LCN9: variants seen among roughly 807,000 people sequenced by gnomAD.
LCN9 encodes epididymal-specific lipocalin-9.
Under a neutral mutation model 18.5 loss-of-function variants are expected in LCN9, and 22 were observed. The observed-to-expected ratio is 1.19, with a 90% CI of 0.85 to 1.70. The LOEUF (loss-of-function observed/expected upper bound fraction) is 1.70. Among genes scored for constraint, LCN9 ranks in the 40% most tolerant of loss-of-function variants. The pLI, the probability that LCN9 is intolerant of heterozygous loss-of-function variation, is 0.00. For missense variants in LCN9, 202 were observed against 201.3 expected (o/e 1.00, Z -0.02); for synonymous variants, 89 against 83.0 (o/e 1.07, Z -0.39).
Position 135,664,917 on chromosome 9 carries a change from C to G in LCN9, c.307+122C>G. 2 of 1,094,872 alleles carry G rather than the reference C, an allele frequency of 1.8e-6. No individual in the cohort carries two copies. The highest frequency in any genetic ancestry group is 1.6e-5 in the African/African-American group (1 of 62,858). 67.8% of individuals were successfully genotyped at this position (1,094,872 alleles called of 1,614,324 possible). On this transcript the variant is annotated intron_variant, in intron 3 of 5. Transcript: ENST00000619315. The surrounding 1 kb of genome is among the most constrained non-coding windows in gnomAD (Gnocchi z 4.5). The stretch of plus-strand genomic sequence containing the variant: ...TAGTTAAGCCCCTGACAGCTTGACC[C>G]TGAACTGGAGGGACCCATCCTGGCA...
In LCN9 at chr9:135,665,989, A is replaced by G. The variant is rs1290817025; in HGVS notation, c.*138A>G. On this transcript the variant is annotated 3_prime_UTR_variant, in exon 6 of 6. Coordinates refer to ENST00000619315, the Ensembl canonical transcript of LCN9. The surrounding 1 kb of genome is among the most constrained non-coding windows in gnomAD (Gnocchi z 5.9). ...GTCAGAGGCTGCGGGGTCCCACCCC[A>G]GGAGGTGCCCATCCCTCCCCCTGGT... 1 of 1,598,326 alleles carries G rather than the reference A, an allele frequency of 6.3e-7. No individual in the cohort carries two copies. Among genetic ancestry groups the G allele is most frequent in the East Asian group, 2.2e-5 (1 of 44,786 alleles).
chr9:135,664,880 C>A lies in LCN9; in HGVS notation c.307+85C>A. 2.2e-6 allele frequency: 3 copies of A among 1,384,942 alleles called. No homozygotes were observed. The highest frequency in any genetic ancestry group is 3.0e-6 in the Non-Finnish European group (3 of 1,009,526). The allele number at this position is 1,384,942 out of a possible 1,614,324, so 85.8% of individuals were successfully genotyped here. A position where few individuals can be genotyped will look rare whatever the true frequency, so the allele number is the denominator to read the frequency against. On this transcript the variant is annotated intron_variant, in intron 3 of 5. Transcript: ENST00000619315. The surrounding 1 kb of genome is among the most constrained non-coding windows in gnomAD (Gnocchi z 4.5). Reference sequence around the variant, plus strand: ...TGGGCCATATTCTGGTGAGCACTGACTCTGGGGATTTTAGTTAAGCCCCTG... The same window carrying A: ...TGGGCCATATTCTGGTGAGCACTGAATCTGGGGATTTTAGTTAAGCCCCTG...
In LCN9 at chr9:135,665,209, CG is replaced by C; in HGVS notation, c.308-32del. ...ACGTGTCACAGGACCCTGAGGGTGG[CG>C]GGGCCAGGCCACGCTGAGCCATGTC... On this transcript the variant is annotated intron_variant, in intron 3 of 5. Coordinates refer to ENST00000619315, the Ensembl canonical transcript of LCN9. The surrounding 1 kb of genome is among the most constrained non-coding windows in gnomAD (Gnocchi z 5.9). 2.1e-6 allele frequency: 3 copies of C among 1,411,368 alleles called. No individual in the cohort carries two copies. The highest frequency in any genetic ancestry group is 2.9e-6 in the Non-Finnish European group (3 of 1,017,832). 87.4% of individuals were successfully genotyped at this position (1,411,368 alleles called of 1,614,324 possible). A position where few individuals can be genotyped will look rare whatever the true frequency, so the allele number is the denominator to read the frequency against.
Position 135,664,824 on chromosome 9 carries a change from TCA to T in LCN9, c.307+32_307+33del, listed in dbSNP as rs1272735005. ...AGTGGAAGCCAGGCTCCTCCTGGTC[TCA>T]CAGTCGGGGGTCTCCTTTCTCCAGG... On this transcript the variant is annotated intron_variant, in intron 3 of 5. Coordinates refer to ENST00000619315, the Ensembl canonical transcript of LCN9. The surrounding 1 kb of genome is among the most constrained non-coding windows in gnomAD (Gnocchi z 4.5). The T allele has an allele frequency of 3.9e-6, 6 of 1,557,108 alleles. No individual in the cohort carries two copies. The highest frequency in any genetic ancestry group is 4.3e-6 in the Non-Finnish European group (5 of 1,149,920).
exon 6 of LCN9, chr9:135,666,300 C>A: frequency 1.5e-6 from 1 of 651,728 alleles, no homozygotes; most frequent in Non-Finnish European, 2.6e-6. Context: ...CTGCTGGGGG[C>A]TCCAGGCATC....
Position 135,665,659 on chromosome 9 carries a change from C to T in LCN9, c.419-29C>T, listed in dbSNP as rs372315207. On this transcript the variant is annotated intron_variant, in intron 4 of 5. Coordinates refer to ENST00000619315, the Ensembl canonical transcript of LCN9. The surrounding 1 kb of genome is among the most constrained non-coding windows in gnomAD (Gnocchi z 5.9). ...ACCAACTCTGTTCCCAGCACGGGTC[C>T]CATAGCTGGAACCCTCCTTCCTGAG... 84 of 1,603,234 alleles carry T rather than the reference C, an allele frequency of 5.2e-5. 1 individual carries two copies. The African/African-American group carries it at 1.0e-3, about 19-fold the overall frequency.
At position 135,665,449 on chromosome 9, in the gene LCN9, T is replaced by A; in HGVS notation, c.418+94T>A. Reference sequence around the variant, plus strand: ...GCGGAGGAGGGTCTCGCAGTGGCCCTGGGGTTTGGAGAGGTGGTTCCCGTT... The same window carrying A: ...GCGGAGGAGGGTCTCGCAGTGGCCCAGGGGTTTGGAGAGGTGGTTCCCGTT... On this transcript the variant is annotated intron_variant, in intron 4 of 5. Transcript: ENST00000619315. The surrounding 1 kb of genome is among the most constrained non-coding windows in gnomAD (Gnocchi z 5.9). 9.2e-7 allele frequency: 1 copy of A among 1,092,136 alleles called. No homozygotes were observed. Among genetic ancestry groups the A allele is most frequent in the South Asian group, 1.3e-5 (1 of 74,296 alleles). The allele number at this position is 1,092,136 out of a possible 1,614,324, so 67.7% of individuals were successfully genotyped here.
At chr9:135,666,754 G>A (rs897511788) in exon 6 of LCN9, among the ~76,000 whole-genome samples, 6 of 151,958 alleles carry the variant, frequency 3.9e-5, no homozygotes, top group Non-Finnish European at 5.9e-5. Flanking sequence ...ATGGCAACCG[G>A]CAACCAAGGC....
intron 1 of LCN9, 35 bp downstream of exon 1, chr9:135,663,452 A>G (rs777354867): frequency 1.3e-6 from 2 of 1,575,818 alleles, no homozygotes; most frequent in Non-Finnish European, 1.7e-6. Context: ...GGAAGGGGCC[A>G]GGCTTCAAGG....
At chr9:135,663,528 A>C (rs1588214872) in intron 1 of LCN9, 111 bp downstream of exon 1, 21 of 607,796 alleles carry the variant, frequency 3.5e-5, no homozygotes, top group East Asian at 1.5e-4. Context: ...AGGGGAGCCC[A>C]CCTCTCCTCC....
chr9:135,665,391 C>T lies in LCN9; in HGVS notation c.418+36C>T. On this transcript the variant is annotated intron_variant, in intron 4 of 5. Coordinates refer to ENST00000619315, the Ensembl canonical transcript of LCN9. The surrounding 1 kb of genome is among the most constrained non-coding windows in gnomAD (Gnocchi z 5.9). ...TGTCCCCCTCTGACCCCCTCGGGGACCCCACCTCCTCTGAAGTCCGGCCCA... is the reference window on the plus strand; with the variant it reads ...TGTCCCCCTCTGACCCCCTCGGGGATCCCACCTCCTCTGAAGTCCGGCCCA... The T allele has an allele frequency of 6.6e-7, 1 of 1,508,356 alleles. No individual in the cohort carries two copies. Among genetic ancestry groups the T allele is most frequent in the Non-Finnish European group, 9.0e-7 (1 of 1,105,706 alleles). The allele number at this position is 1,508,356 out of a possible 1,614,324, so 93.4% of individuals were successfully genotyped here.
rs1191259222 is a variant in LCN9, at chr9:135,665,876, A to G, written c.*25A>G. ...GTCCTTCCAGATCCCTGCTACTCCAAGCATTACAGGAGCCCGCCCAGGCCT... is the reference window on the plus strand; with the variant it reads ...GTCCTTCCAGATCCCTGCTACTCCAGGCATTACAGGAGCCCGCCCAGGCCT... On this transcript the variant is annotated 3_prime_UTR_variant, in exon 6 of 6. Coordinates refer to ENST00000619315, the Ensembl canonical transcript of LCN9. The surrounding 1 kb of genome is among the most constrained non-coding windows in gnomAD (Gnocchi z 5.9). 1 of 1,612,838 alleles carries G rather than the reference A, an allele frequency of 6.2e-7. No individual in the cohort carries two copies. Among genetic ancestry groups the G allele is most frequent in the Non-Finnish European group, 8.5e-7 (1 of 1,179,514 alleles).
At chr9:135,663,811 AGGGGCAGAGGAGAGACCTGT>A (rs1288889479) in intron 1 of LCN9, among the ~76,000 whole-genome samples, 4 of 23,352 alleles carry the variant, frequency 1.7e-4, no homozygotes, top group Admixed American at 5.3e-4. Flanking sequence ...GGGGACCTGG[AGGGGCAGAGGAGAGACCTGT>A]GGGGCAGAGG....
rs1004413833 is a variant in LCN9, at chr9:135,664,947, C to A, written c.307+152C>A. Among the ~76,000 whole-genome samples the A allele has an allele frequency of 6.6e-6, 1 of 152,072 alleles. No individual in the cohort carries two copies. The highest frequency in any genetic ancestry group is 2.4e-5 in the African/African-American group (1 of 41,378). ...CTGGAGGGACCCATCCTGGCACCTACCCAGGGGGGCTCCTGGCCCAGGGGA... is the reference window on the plus strand; with the variant it reads ...CTGGAGGGACCCATCCTGGCACCTAACCAGGGGGGCTCCTGGCCCAGGGGA... On this transcript the variant is annotated intron_variant, in intron 3 of 5. Coordinates refer to ENST00000619315, the Ensembl canonical transcript of LCN9. This position sits in a 1 kb window ranked among gnomAD's most constrained non-coding sequence, Gnocchi z 4.5.
Position 135,664,458 on chromosome 9 carries a change from G to A in LCN9, c.233+160G>A, listed in dbSNP as rs1428164269. On this transcript the variant is annotated intron_variant, in intron 2 of 5. Coordinates refer to ENST00000619315, the Ensembl canonical transcript of LCN9. The surrounding 1 kb of genome is among the most constrained non-coding windows in gnomAD (Gnocchi z 4.5). ...TGACCCTTGGGGGCAGGGTGAGGTG[G>A]GAGCAGGGACTTGGTCTGCCTGGCA... 6.6e-6 allele frequency among the ~76,000 whole-genome samples: 1 copy of A among 152,140 alleles called. No homozygotes were observed. The highest frequency in any genetic ancestry group is 1.5e-5 in the Non-Finnish European group (1 of 68,018).
chr9:135,665,775 C>T lies in LCN9; in HGVS notation c.*9+23C>T. On this transcript the variant is annotated intron_variant, in intron 5 of 5. Coordinates refer to ENST00000619315, the Ensembl canonical transcript of LCN9. This position sits in a 1 kb window ranked among gnomAD's most constrained non-coding sequence, Gnocchi z 5.9. ...AAGGTCAGCCCCACTGCTCCCGGAC[C>T]AAGCGGGAGCCGGGACAGGGTGGGG... 1 of 1,612,918 alleles carries T rather than the reference C, an allele frequency of 6.2e-7. No homozygotes were observed. The highest frequency in any genetic ancestry group is 8.5e-7 in the Non-Finnish European group (1 of 1,179,446).
At chr9:135,666,094 A>C in exon 6 of LCN9, 3 of 1,599,320 alleles carry the variant, frequency 1.9e-6, no homozygotes, top group Non-Finnish European at 2.5e-6. Context: ...GGGGCCTTCC[A>C]GGGTGGTAAG....
Position 135,664,093 on chromosome 9 carries a change from G to A in LCN9, c.97-69G>A, listed in dbSNP as rs1031185368. 1 of 1,566,050 alleles carries A rather than the reference G, an allele frequency of 6.4e-7. No homozygotes were observed. Among genetic ancestry groups the A allele is most frequent in the African/African-American group, 1.4e-5 (1 of 73,412 alleles). ...TAAGGGGCCGGGCCCTGGGAGGGAA[G>A]ACTGTGGGCGCTAAGCATCCCCAGG... On this transcript the variant is annotated intron_variant, in intron 1 of 5. Coordinates refer to ENST00000619315, the Ensembl canonical transcript of LCN9. This position sits in a 1 kb window ranked among gnomAD's most constrained non-coding sequence, Gnocchi z 4.5.
chr9:135,665,821 G>A lies in LCN9; in HGVS notation c.*10-40G>A. 6.2e-7 allele frequency: 1 copy of A among 1,611,974 alleles called. No homozygotes were observed. Among genetic ancestry groups the A allele is most frequent in the Non-Finnish European group, 8.5e-7 (1 of 1,179,054 alleles). ...TGGGGATGGGAGGTGTGCCTGCGGG[G>A]TCCCTGTCCCTGCGCTGAGAGCCCC... On this transcript the variant is annotated intron_variant, in intron 5 of 5. Coordinates refer to ENST00000619315, the Ensembl canonical transcript of LCN9. The surrounding 1 kb of genome is among the most constrained non-coding windows in gnomAD (Gnocchi z 5.9).
Sources: allele counts gnomAD v4.1 joint callset (sites outside exome capture counted in the v4.1 genomes callset), GRCh38; gene constraint gnomAD v4.1.1; non-coding constraint Gnocchi (gnomAD v3.1); transcripts MANE v1.5; gene names NCBI Gene and HGNC (gene_info 2026-07-23, HGNC 2026-07-21).